The following SSTR3 variants were observed in gnomAD, a reference collection of about 807,000 sequenced individuals.
SSTR3 encodes the protein somatostatin receptor type 3.
For missense variants in SSTR3, 504 were observed against 604.7 expected (o/e 0.83, Z 1.75); for synonymous variants, 281 against 269.2 (o/e 1.04, Z -0.43).
intron 1 of SSTR3, chr22:37,210,539 C>A (rs745792417): frequency 4.3e-4 from 425 of 985,410 alleles, no homozygotes; most frequent in Non-Finnish European, 4.9e-4. Flanking sequence ...CGCACGTAAG[C>A]CAGACCTGCA....
chr22:37,217,840 A>C, the SSTR3 span, among the ~76,000 whole-genome samples: 1 of 152,086 alleles, frequency 6.6e-6, no homozygotes, highest in Non-Finnish European at 1.5e-5. Flanking sequence ...AGTAGCTGGG[A>C]TTACAGGCAC....
rs1925904263 is a variant in SSTR3 at position 37,207,515 on chromosome 22, GCC to G, written c.287_288del (p.Gly96AlafsTer253). 27 of 1,613,514 alleles carry G rather than the reference GCC, an allele frequency of 1.7e-5. No homozygotes were observed. Among genetic ancestry groups the G allele is most frequent in the Non-Finnish European group, 2.3e-5 (27 of 1,180,002 alleles). On this transcript the variant is annotated frameshift_variant, in exon 2 of 2. Transcript: ENST00000610913. LOFTEE classifies it low-confidence loss of function (END_TRUNC). Reference sequence around the variant, plus strand: ...GCGTTCTGGGCGGCCAGGAAGGGCAGCCCCAGCATGAAGAGCTCGTCGGCCAG... The same window carrying G: ...GCGTTCTGGGCGGCCAGGAAGGGCAGCCAGCATGAAGAGCTCGTCGGCCAG... ...LALADELFML[G>X]LPFLAAQNAL... is the part of the protein sequence containing the mutation.
intron 1 of SSTR3, 103 bp from the exon 2 acceptor site, chr22:37,207,942 C>G: frequency 2.2e-6 from 3 of 1,348,462 alleles, no homozygotes; most frequent in Non-Finnish European, 2.8e-6. Context: ...GCCCATCCTC[C>G]CATCGTCTGA....
rs202229747 is a variant in SSTR3, at chr22:37,207,034, C to A, written c.770G>T (p.Arg257Leu). Residue 257 changes from arginine to leucine, a missense_variant, in exon 2 of 2, where the codon CGC (arginine) becomes CTC (leucine). Coordinates refer to ENST00000610913, the MANE Select transcript of SSTR3 (RefSeq NM_001051.5). ...RRRRSERRVT[R>L]MVVAVVALFV... ...GAGCGCCACCACGGCCACCACCATGCGCGTGACCCTGCGTTCGGAGCGCCG... is the reference window on the plus strand; with the variant it reads ...GAGCGCCACCACGGCCACCACCATGAGCGTGACCCTGCGTTCGGAGCGCCG... 17 of 1,612,934 alleles carry A rather than the reference C, an allele frequency of 1.1e-5. No homozygotes were observed. The highest frequency in any genetic ancestry group is 1.4e-5 in the Non-Finnish European group (16 of 1,179,940).
chr22:37,211,447 A>C (rs1182503897), intron 1 of SSTR3, among the ~76,000 whole-genome samples: 2 of 152,212 alleles, frequency 1.3e-5, no homozygotes, highest in Admixed American at 1.3e-4. Context: ...TATGGAAGAC[A>C]AGCGGACCCA....
Position 37,212,073 on chromosome 22 carries a change from C to T in SSTR3, c.-285G>A, listed in dbSNP as rs1010905401. ...CAGAGCCTGGTACGTCACCCCCCAT[C>T]TCCAGGACACATCCTGGGGGGGCAG... On this transcript the variant is annotated 5_prime_UTR_variant, in exon 1 of 2. Transcript: ENST00000610913. The T allele has an allele frequency of 6.1e-6, 6 of 985,612 alleles. No individual in the cohort carries two copies. The African/African-American group carries it at 1.0e-4, about 17-fold the overall frequency. The allele number at this position is 985,612 out of a possible 1,614,324, so 61.1% of individuals were successfully genotyped here. A position where few individuals can be genotyped will look rare whatever the true frequency, so the allele number is the denominator to read the frequency against.
the SSTR3 span, among the ~76,000 whole-genome samples, chr22:37,218,168 A>G: frequency 0.33 from 49,768 of 152,052 alleles, 8,895 homozygotes; most frequent in Non-Finnish European, 0.42. Flanking sequence ...TCTTCTACTT[A>G]TTTGATTGGG....
rs1308308805 is a variant in SSTR3 at position 37,207,267 on chromosome 22, C to G, written c.537G>C (p.Val179=). 3 of 1,597,616 alleles carry G rather than the reference C, an allele frequency of 1.9e-6. No homozygotes were observed. Among genetic ancestry groups the G allele is most frequent in the Non-Finnish European group, 2.6e-6 (3 of 1,171,116 alleles). The change falls in exon 2 of 2, where the codon GTG becomes GTC. Residue 179 remains valine, a synonymous_variant. Transcript: ENST00000610913. The part of the protein sequence containing the change: ...VASAVVVLPV[V]VFSGVPRGMS... ...TGCCGCGGGGCACTCCCGAGAAGAC[C>G]ACCACGGGCAGCACCACCACGGCTG...
At position 37,205,140 on chromosome 22, in the gene SSTR3, TC is replaced by T. The variant is rs1396137113; in HGVS notation, c.*1406del. ...AGAGCATGGGGAGGGAGCTCCCCAG[TC>T]CTCCCAATGTCCCTGGTAGCCAGCT... On this transcript the variant is annotated 3_prime_UTR_variant, in exon 2 of 2. Coordinates refer to ENST00000610913, the MANE Select transcript of SSTR3 (RefSeq NM_001051.5). 6.6e-6 allele frequency: 1 copy of T among 152,294 alleles called. No homozygotes were observed. The highest frequency in any genetic ancestry group is 1.9e-4 in the East Asian group (1 of 5,186). The allele number at this position is 152,294 out of a possible 1,614,324, so 9.4% of individuals were successfully genotyped here.
chr22:37,214,288 CT>C (rs1312218400), upstream of SSTR3, among the ~76,000 whole-genome samples: 1 of 152,192 alleles, frequency 6.6e-6, no homozygotes, highest in Non-Finnish European at 1.5e-5. Context: ...GGGCTCTGAC[CT>C]CCCCTTTTCT....
intron 1 of SSTR3, chr22:37,210,453 C>A: frequency 9.6e-6 from 9 of 937,444 alleles, no homozygotes; most frequent in Non-Finnish European, 1.0e-5. Context: ...CCTGTCTCCA[C>A]CCTTATCTCA....
chr22:37,214,074 C>A (rs1926335493), upstream of SSTR3, among the ~76,000 whole-genome samples: 1 of 152,144 alleles, frequency 6.6e-6, no homozygotes, highest in African/African-American at 2.4e-5. Flanking sequence ...AGTGAATGCT[C>A]ATCAGTGTGC....
upstream of SSTR3, among the ~76,000 whole-genome samples, chr22:37,213,250 G>T (rs976905476): frequency 6.6e-6 from 1 of 152,202 alleles, no homozygotes; most frequent in African/African-American, 2.4e-5. Context: ...AGACTCTGCC[G>T]TACAGTCCTG....
chr22:37,215,158 A>G (rs912795529), upstream of SSTR3, among the ~76,000 whole-genome samples: 2 of 152,118 alleles, frequency 1.3e-5, no homozygotes, highest in African/African-American at 2.4e-5. Flanking sequence ...ACATCCCAAT[A>G]CCCTGAGTGG....
chr22:37,207,021 G>A lies in SSTR3; in HGVS notation c.783C>T (p.Ala261=), dbSNP rs144127697. Residue 261 remains alanine, a synonymous_variant, in exon 2 of 2, where the codon GCC becomes GCT. Coordinates refer to ENST00000610913, the MANE Select transcript of SSTR3 (RefSeq NM_001051.5). ...SERRVTRMVV[A]VVALFVLCWM... is the part of the protein sequence containing the mutation. Reference sequence around the variant, plus strand: ...AGCAGAGCACGAAGAGCGCCACCACGGCCACCACCATGCGCGTGACCCTGC... The same window carrying A: ...AGCAGAGCACGAAGAGCGCCACCACAGCCACCACCATGCGCGTGACCCTGC... The A allele has an allele frequency of 4.7e-5, 76 of 1,612,532 alleles. 1 individual carries two copies. The Middle Eastern group carries it at 9.9e-4, about 21-fold the overall frequency.
the SSTR3 span, among the ~76,000 whole-genome samples, chr22:37,217,788 C>T: frequency 6.6e-6 from 1 of 152,174 alleles, no homozygotes; most frequent in African/African-American, 2.4e-5. Context: ...ATTGCAACCT[C>T]CGCCTCCTGG....
rs1925618895 is a variant in SSTR3 at position 37,204,813 on chromosome 22, C to T, written c.*1734G>A. 1 of 152,220 alleles carries T rather than the reference C, an allele frequency of 6.6e-6. No individual in the cohort carries two copies. The highest frequency in any genetic ancestry group is 1.5e-5 in the Non-Finnish European group (1 of 68,054). The allele number at this position is 152,220 out of a possible 1,614,324, so 9.4% of individuals were successfully genotyped here. On this transcript the variant is annotated 3_prime_UTR_variant, in exon 2 of 2. Transcript: ENST00000610913. ...CATTTGTTGATGGGGAAATTGAGGC[C>T]CGGAAGGCCAATGCCAGCCCAGGAC... is the stretch of plus-strand genomic sequence containing the variant.
rs1253715978 is a variant in SSTR3, at chr22:37,207,834, A to G, written c.-31T>C. ...AGGGGAGGGTGGTCAGCAGTCAGCT[A>G]TTTGCCTGGGGGAAGGAAAAACAGC... On this transcript the variant is annotated 5_prime_UTR_variant, in exon 2 of 2. An upstream open reading frame in the 5' UTR loses its in-frame stop. Transcript: ENST00000610913. 1.3e-6 allele frequency: 2 copies of G among 1,483,852 alleles called. No homozygotes were observed. Among genetic ancestry groups the G allele is most frequent in the African/African-American group, 1.4e-5 (1 of 70,932 alleles). 91.9% of individuals were successfully genotyped at this position (1,483,852 alleles called of 1,614,324 possible). A position where few individuals can be genotyped will look rare whatever the true frequency, so the allele number is the denominator to read the frequency against.
intron 1 of SSTR3, among the ~76,000 whole-genome samples, chr22:37,209,013 C>T (rs934365711): frequency 2.0e-5 from 3 of 152,192 alleles, no homozygotes; most frequent in African/African-American, 7.2e-5. Flanking sequence ...CCACCCACTG[C>T]ACCCCCTCTT....
Sources: allele counts gnomAD v4.1 joint callset (sites outside exome capture counted in the v4.1 genomes callset), GRCh38; gene constraint gnomAD v4.1.1; transcripts MANE v1.5; gene names NCBI Gene and HGNC (gene_info 2026-07-23, HGNC 2026-07-21).